Variants in ILKAP observed in about 807,000 individuals in gnomAD.
The protein encoded by ILKAP is integrin-linked kinase-associated serine/threonine phosphatase 2C.
A neutral mutation model predicts 49.1 loss-of-function variants in ILKAP; 11 were observed. The ratio of observed to expected loss-of-function variants is 0.22; its 90% CI spans 0.14 to 0.37. The LOEUF (loss-of-function observed/expected upper bound fraction) is 0.37, where lower values mean the gene tolerates loss of function less well. Ranked by LOEUF, ILKAP falls within the 10% of genes least tolerant of loss-of-function variation. ILKAP has a pLI of 1.00. For synonymous variants in ILKAP, 186 were observed against 192.8 expected, an observed-to-expected ratio of 0.96 and a Z score of 0.29; for missense variants, 363 against 510.8, an observed-to-expected ratio of 0.71 and a Z score of 2.79.
Position 238,185,305 on chromosome 2 carries a change from G to C in ILKAP, c.426-18C>G, listed in dbSNP as rs1238201409. On this transcript the variant is annotated intron_variant, in intron 5 of 11. Transcript: ENST00000254654. ...CCCGAGTACTGAAAGAACGAATTGA[G>C]AGTTAATCAAATTCTCACAGCAAAA... The C allele has an allele frequency of 2.0e-6, 3 of 1,495,144 alleles. No individual in the cohort carries two copies. Among genetic ancestry groups the C allele is most frequent in the African/African-American group, 1.4e-5 (1 of 72,576 alleles). The allele number at this position is 1,495,144 out of a possible 1,614,324, so 92.6% of individuals were successfully genotyped here. A position where few individuals can be genotyped will look rare whatever the true frequency, so the allele number is the denominator to read the frequency against.
chr2:238,185,891 C>T (rs1232057895), intron 5 of ILKAP: 1 of 151,858 alleles, frequency 6.6e-6, no homozygotes, highest in Non-Finnish European at 1.5e-5. Flanking sequence ...GTCTAATATT[C>T]TAAAAGAGAT....
chr2:238,173,062 C>T (rs1352830298), intron 10 of ILKAP, among the ~76,000 whole-genome samples: 4 of 152,150 alleles, frequency 2.6e-5, no homozygotes, highest in Admixed American at 2.6e-4. Context: ...TATGATTCTC[C>T]ACCAATGATC....
chr2:238,196,200 C>A (rs368467714), intron 1 of ILKAP, among the ~76,000 whole-genome samples: 96 of 149,014 alleles, frequency 6.4e-4, no homozygotes, highest in African/African-American at 2.2e-3. Flanking sequence ...AAGCTATTCT[C>A]CTGCCCCAGC....
At chr2:238,200,269 T>C (rs544746164) in intron 1 of ILKAP, among the ~76,000 whole-genome samples, 1 of 152,358 alleles carries the variant, frequency 6.6e-6, no homozygotes, top group East Asian at 1.9e-4. Context: ...TTAAAACTTT[T>C]AAGGGCTTGG....
At chr2:238,171,778 G>A (rs1693230283) in intron 10 of ILKAP, among the ~76,000 whole-genome samples, 1 of 152,156 alleles carries the variant, frequency 6.6e-6, no homozygotes, top group Admixed American at 6.6e-5. Flanking sequence ...TGCACAGCTT[G>A]GGGCTGCATC....
chr2:238,184,558 T>C (rs1430343457), intron 6 of ILKAP, among the ~76,000 whole-genome samples: 1 of 151,796 alleles, frequency 6.6e-6, no homozygotes, highest in Non-Finnish European at 1.5e-5. Flanking sequence ...ATTTCTTTCC[T>C]TTTTTAAATT....
intron 9 of ILKAP, 93 bp downstream of exon 9, chr2:238,181,972 G>C (rs565988264): frequency 7.3e-7 from 1 of 1,362,362 alleles, no homozygotes; most frequent in Non-Finnish European, 1.0e-6. Flanking sequence ...TGAAGACTAC[G>C]TAACAGGGGA....
chr2:238,201,743 A>T (rs56988267), intron 1 of ILKAP, among the ~76,000 whole-genome samples: 3 of 152,272 alleles, frequency 2.0e-5, no homozygotes, highest in Non-Finnish European at 4.4e-5. Flanking sequence ...TTACACGCAC[A>T]CTGGTGAATC....
At chr2:238,196,186 G>A (rs900128224) in intron 1 of ILKAP, among the ~76,000 whole-genome samples, 1 of 147,270 alleles carries the variant, frequency 6.8e-6, no homozygotes, top group Non-Finnish European at 1.5e-5. Context: ...CACCTCCCGG[G>A]TTCAAGCTAT....
intron 3 of ILKAP, among the ~76,000 whole-genome samples, chr2:238,191,368 T>G (rs1452637578): frequency 2.0e-5 from 3 of 152,176 alleles, no homozygotes; most frequent in Non-Finnish European, 4.4e-5. Flanking sequence ...TTGAACCGCC[T>G]GTGTCAGACA....
intron 1 of ILKAP, among the ~76,000 whole-genome samples, chr2:238,195,365 G>A (rs748829777): frequency 6.6e-6 from 1 of 152,066 alleles, no homozygotes; most frequent in Non-Finnish European, 1.5e-5. Context: ...AAGAAAATCT[G>A]TTGGAACCTG....
At chr2:238,189,546 G>A (rs918945703) in intron 4 of ILKAP, 1 of 197,138 alleles carries the variant, frequency 5.1e-6, no homozygotes, top group African/African-American at 2.4e-5. Context: ...GTCAGAGAGA[G>A]ACTAGGTGGT....
intron 8 of ILKAP, 128 bp from the exon 9 acceptor site, chr2:238,182,314 T>G (rs1370355642): frequency 1.8e-6 from 2 of 1,113,598 alleles, no homozygotes; most frequent in African/African-American, 3.1e-5. Context: ...ACATTCAGCC[T>G]CCTGCTGATA....
chr2:238,171,153 CTTTTTTCTTTTTTTTTTT>C, intron 10 of ILKAP, 129 bp from the exon 11 acceptor site: 1 of 509,188 alleles, frequency 2.0e-6, no homozygotes, highest in Non-Finnish European at 3.4e-6. Flanking sequence ...TTTTTTTTTT[CTTTTTTCTTTTTTTTTTT>C]TTTTTGAGAT....
chr2:238,182,030 T>G (rs1448688643), intron 9 of ILKAP, 35 bp downstream of exon 9: 1 of 1,610,222 alleles, frequency 6.2e-7, no homozygotes, highest in South Asian at 1.1e-5. Flanking sequence ...CTAACAGCCC[T>G]CCTTCCCATG....
intron 3 of ILKAP, 61 bp downstream of exon 3, chr2:238,194,214 C>T (rs1050872179): frequency 6.3e-6 from 9 of 1,423,916 alleles, no homozygotes; most frequent in Non-Finnish European, 7.9e-6. Flanking sequence ...ATAAATTTCA[C>T]ATAAGAGTAA....
intron 9 of ILKAP, among the ~76,000 whole-genome samples, chr2:238,177,507 C>A (rs545019515): frequency 6.6e-6 from 1 of 152,130 alleles, no homozygotes; most frequent in Non-Finnish European, 1.5e-5. Context: ...ATACCCCACA[C>A]CCCCCAATAA....
At chr2:238,174,252 T>C (rs1240262332) in intron 9 of ILKAP, among the ~76,000 whole-genome samples, 1 of 152,130 alleles carries the variant, frequency 6.6e-6, no homozygotes, top group African/African-American at 2.4e-5. Context: ...TGAGGGGATA[T>C]GGAGGAGATG....
At chr2:238,175,273 AT>A (rs1174433140) in intron 9 of ILKAP, among the ~76,000 whole-genome samples, 1 of 151,562 alleles carries the variant, frequency 6.6e-6, no homozygotes, top group Admixed American at 6.6e-5. Flanking sequence ...TAAAAAAAAA[AT>A]TTTTTTTGTA....
Sources: allele counts gnomAD v4.1 joint callset (sites outside exome capture counted in the v4.1 genomes callset), GRCh38; gene constraint gnomAD v4.1.1; transcripts MANE v1.5; gene names NCBI Gene and HGNC (gene_info 2026-07-23, HGNC 2026-07-21).